The following CAMSAP1 variants were observed in gnomAD, a reference collection of about 807,000 sequenced individuals.
CAMSAP1 encodes the protein calmodulin regulated spectrin associated protein 1.
In CAMSAP1, 58 loss-of-function variants were observed where a neutral mutation model predicts 143.5. The observed-to-expected ratio is 0.40, with a 90% CI of 0.33 to 0.50. The LOEUF (loss-of-function observed/expected upper bound fraction) is 0.50, where lower values mean the gene tolerates loss of function less well. CAMSAP1 is among the 20% of genes least tolerant of loss of function. The pLI is 0.45. For missense variants in CAMSAP1, 1,969 were observed against 2,115.7 expected (o/e 0.93, Z 1.36); for synonymous variants, 945 against 859.3 (o/e 1.10, Z -1.74).
Position 135,808,846 on chromosome 9 carries a change from A to C in CAMSAP1, c.*2463T>G, listed in dbSNP as rs1217132561. ...GGGCTCCCAGAATTCTAGCATTACCAAGGATTTACACATAAACTTCATCAT... is the reference window on the plus strand; with the variant it reads ...GGGCTCCCAGAATTCTAGCATTACCCAGGATTTACACATAAACTTCATCAT... On this transcript the variant is annotated 3_prime_UTR_variant, in exon 17 of 17. Coordinates refer to ENST00000389532, the MANE Select transcript of CAMSAP1 (RefSeq NM_015447.4). 1 of 152,254 alleles carries C rather than the reference A, an allele frequency of 6.6e-6. No homozygotes were observed. The highest frequency in any genetic ancestry group is 1.5e-5 in the Non-Finnish European group (1 of 68,050). 9.4% of individuals were successfully genotyped at this position (152,254 alleles called of 1,614,324 possible). A position where few individuals can be genotyped will look rare whatever the true frequency, so the allele number is the denominator to read the frequency against.
At chr9:135,890,705 C>G (rs1274098351) in intron 1 of CAMSAP1, among the ~76,000 whole-genome samples, 3 of 152,200 alleles carry the variant, frequency 2.0e-5, no homozygotes, top group Admixed American at 6.5e-5. Flanking sequence ...TTCCTGTCTC[C>G]AAGGGACCGC....
At chr9:135,827,946 C>G (rs959430412) in intron 7 of CAMSAP1, among the ~76,000 whole-genome samples, 43 of 152,232 alleles carry the variant, frequency 2.8e-4, no homozygotes, top group African/African-American at 9.4e-4. Context: ...AGACAAGATG[C>G]CCACCACCCA....
chr9:135,824,795 T>C lies in CAMSAP1; in HGVS notation c.1309A>G (p.Ile437Val). 1 of 1,578,712 alleles carries C rather than the reference T, an allele frequency of 6.3e-7. No individual in the cohort carries two copies. The highest frequency in any genetic ancestry group is 1.4e-5 in the African/African-American group (1 of 73,938). ...GAGGAAACAACATTCTTACCAGGGA[T>C]GTCCTCTCCCTGTATGGATTTCTGC... is the stretch of plus-strand genomic sequence containing the variant. ...KQQKSIQGED[I>V]PDQRHRSNSL... is the part of the protein sequence containing the mutation. Residue 437 changes from isoleucine to valine, a missense_variant, in exon 9 of 17, where the codon ATC becomes GTC. This residue lies in a region of CAMSAP1 where 1,390 missense variants were observed against 1,420.8 expected (regional missense o/e 0.98). Transcript: ENST00000389532. This position sits in a 1 kb window ranked among gnomAD's most constrained non-coding sequence, Gnocchi z 4.1.
rs1588454490 is a variant in CAMSAP1 at position 135,831,506 on chromosome 9, C to T, written c.1046-3922G>A. Among the ~76,000 whole-genome samples the T allele has an allele frequency of 2.0e-5, 3 of 150,756 alleles. No individual in the cohort carries two copies. In the East Asian group the frequency reaches 5.9e-4, roughly 29 times the overall value. On this transcript the variant is annotated intron_variant, in intron 7 of 16. Coordinates refer to ENST00000389532, the MANE Select transcript of CAMSAP1 (RefSeq NM_015447.4). ...AAAAAAAAAAAAAGGAATTCTGTAG[C>T]AATCAACACTTCCATTAACGAAGAA...
Position 135,811,523 on chromosome 9 carries a change from T to A in CAMSAP1, c.4595A>T (p.Asp1532Val). The A allele has an allele frequency of 6.2e-7, 1 of 1,608,618 alleles. No individual in the cohort carries two copies. The highest frequency in any genetic ancestry group is 8.5e-7 in the Non-Finnish European group (1 of 1,177,254). Residue 1532 changes from aspartate to valine, a missense_variant, in exon 17 of 17, where the codon GAT (aspartate) becomes GTT (valine). Asp to Val is a radical substitution (Grantham distance 152). Transcript: ENST00000389532. This position sits in a 1 kb window ranked among gnomAD's most constrained non-coding sequence, Gnocchi z 4.9. ...AGTGAGTTTGTAGATTTCCTCAGTATCAGGATAGTAGCAGTAAAGCGCCCT... is the reference window on the plus strand; with the variant it reads ...AGTGAGTTTGTAGATTTCCTCAGTAACAGGATAGTAGCAGTAAAGCGCCCT... ...QFRALYCYYPDTEEIYKLTGT... is the reference protein window; with the variant it reads ...QFRALYCYYPVTEEIYKLTGT...
At chr9:135,879,163 G>GA (rs756828272) in intron 3 of CAMSAP1, among the ~76,000 whole-genome samples, 1 of 152,104 alleles carries the variant, frequency 6.6e-6, no homozygotes, top group Non-Finnish European at 1.5e-5. Context: ...TACCTCAGTA[G>GA]ATCATGTCCA....
chr9:135,827,316 T>TA (rs1056825869), intron 8 of CAMSAP1, 91 bp downstream of exon 8: 1 of 1,272,584 alleles, frequency 7.9e-7, no homozygotes, highest in Non-Finnish European at 1.0e-6. Flanking sequence ...TTGCTTATTT[T>TA]AAAAAAGGTA....
At chr9:135,890,607 A>C (rs1187329641) in intron 1 of CAMSAP1, among the ~76,000 whole-genome samples, 1 of 152,150 alleles carries the variant, frequency 6.6e-6, no homozygotes, top group Non-Finnish European at 1.5e-5. Flanking sequence ...CAGGAGCAGG[A>C]GCAAACGTGA....
intron 7 of CAMSAP1, among the ~76,000 whole-genome samples, chr9:135,838,710 C>T (rs989968995): frequency 3.3e-5 from 5 of 149,962 alleles, no homozygotes; most frequent in African/African-American, 7.4e-5. Context: ...ACTTTCCACC[C>T]GTTCTACAGA....
At chr9:135,836,684 C>T (rs1019190766) in intron 7 of CAMSAP1, 24 of 981,136 alleles carry the variant, frequency 2.4e-5, no homozygotes, top group Admixed American at 1.9e-4. Context: ...CACACGTCAC[C>T]ACGCACTTCT....
chr9:135,847,338 G>A (rs1424537839), intron 7 of CAMSAP1, among the ~76,000 whole-genome samples: 2 of 152,110 alleles, frequency 1.3e-5, no homozygotes, highest in African/African-American at 2.4e-5. Flanking sequence ...CTGGGCAGCA[G>A]AGTGAGACTC....
intron 1 of CAMSAP1, among the ~76,000 whole-genome samples, chr9:135,898,278 C>T (rs1256862601): frequency 6.6e-6 from 1 of 152,132 alleles, no homozygotes; most frequent in Non-Finnish European, 1.5e-5. Context: ...AAGAAGTCAT[C>T]ATTAGGGAAA....
chr9:135,904,667 G>A (rs773194227), intron 1 of CAMSAP1, among the ~76,000 whole-genome samples: 5 of 151,352 alleles, frequency 3.3e-5, no homozygotes, highest in South Asian at 2.1e-4. Context: ...GCCCTCTCTC[G>A]GCAAAAAGAA....
At chr9:135,852,544 G>A (rs1004312328) in intron 5 of CAMSAP1, among the ~76,000 whole-genome samples, 7 of 152,282 alleles carry the variant, frequency 4.6e-5, no homozygotes, top group South Asian at 4.1e-4. Context: ...CTTTCCCATA[G>A]AGATGTCTAT....
chr9:135,855,824 G>T (rs896244306), intron 5 of CAMSAP1, among the ~76,000 whole-genome samples: 2 of 151,416 alleles, frequency 1.3e-5, no homozygotes, highest in African/African-American at 4.9e-5. Flanking sequence ...AGGCCGAGGC[G>T]GGCGGATCAC....
At position 135,823,759 on chromosome 9, in the gene CAMSAP1, C is replaced by T. The variant is rs749285439; in HGVS notation, c.1400+191G>A. Among the ~76,000 whole-genome samples the T allele has an allele frequency of 4.6e-5, 7 of 152,138 alleles. No individual in the cohort carries two copies. In the South Asian group the frequency reaches 8.3e-4, roughly 18 times the overall value. ...GGTATGCAGCCTCTGAAAAATCCCA[C>T]GGCACACTCGCAAGAGTGAGGCTGC... On this transcript the variant is annotated intron_variant, in intron 10 of 16. Transcript: ENST00000389532.
intron 16 of CAMSAP1, among the ~76,000 whole-genome samples, chr9:135,813,730 G>A (rs1032450302): frequency 7.9e-5 from 12 of 152,210 alleles, no homozygotes; most frequent in Non-Finnish European, 1.5e-4. Context: ...AGACAGGAGG[G>A]CCTCCTGAGC....
At chr9:135,884,573 C>T (rs1838064779) in intron 1 of CAMSAP1, among the ~76,000 whole-genome samples, 1 of 152,198 alleles carries the variant, frequency 6.6e-6, no homozygotes, top group African/African-American at 2.4e-5. Flanking sequence ...CCAAGGGCAG[C>T]CAGGGCTCCA....
intron 3 of CAMSAP1, among the ~76,000 whole-genome samples, chr9:135,867,620 A>C (rs1837426761): frequency 6.6e-6 from 1 of 152,228 alleles, no homozygotes; most frequent in African/African-American, 2.4e-5. Context: ...CCTTCTTAAA[A>C]TGTAAATTAA....
Sources: allele counts gnomAD v4.1 joint callset (sites outside exome capture counted in the v4.1 genomes callset), GRCh38; gene constraint gnomAD v4.1.1; regional missense constraint gnomAD v4.1.1; non-coding constraint Gnocchi (gnomAD v3.1); transcripts MANE v1.5; gene names NCBI Gene and HGNC (gene_info 2026-07-23, HGNC 2026-07-21).